The following OPN5 variants were observed in gnomAD, a reference collection of about 807,000 sequenced individuals.
OPN5 encodes opsin-5.
In OPN5, 18 loss-of-function variants were observed where a neutral mutation model predicts 41.7. The ratio of observed to expected loss-of-function variants is 0.43; its 90% CI spans 0.30 to 0.64. The LOEUF is 0.64. Ranked by LOEUF, OPN5 falls within the 30% of genes least tolerant of loss-of-function variation. OPN5 has a pLI of 0.13. For missense variants in OPN5, 318 were observed against 434.5 expected (o/e 0.73, Z 2.38); for synonymous variants, 178 against 164.3 (o/e 1.08, Z -0.64).
chr6:47,793,385 T>G (rs1008440667), intron 3 of OPN5, among the ~76,000 whole-genome samples: 1 of 152,190 alleles, frequency 6.6e-6, no homozygotes, highest in African/African-American at 2.4e-5. Flanking sequence ...TGAACCTCAG[T>G]AGTGTGGTTT....
intron 3 of OPN5, among the ~76,000 whole-genome samples, chr6:47,792,332 G>T (rs1773399744): frequency 6.6e-6 from 1 of 152,186 alleles, no homozygotes; most frequent in African/African-American, 2.4e-5. Context: ...CCCCACCTAG[G>T]AAGTGTAATT....
chr6:47,822,957 C>T (rs578090377), intron 6 of OPN5, among the ~76,000 whole-genome samples: 1 of 152,284 alleles, frequency 6.6e-6, no homozygotes, highest in South Asian at 2.1e-4. Context: ...AAAGGACACA[C>T]CTCTGAGGAT....
intron 2 of OPN5, among the ~76,000 whole-genome samples, chr6:47,787,518 T>C (rs1459470385): frequency 6.6e-6 from 1 of 152,206 alleles, no homozygotes; most frequent in South Asian, 2.1e-4. Flanking sequence ...TTTAGGTCAT[T>C]AGAGTAGGGT....
At chr6:47,817,597 T>G (rs904458534) in intron 6 of OPN5, among the ~76,000 whole-genome samples, 1 of 152,112 alleles carries the variant, frequency 6.6e-6, no homozygotes, top group Non-Finnish European at 1.5e-5. Flanking sequence ...TTGAGCCCCA[T>G]GCCTGACCTA....
intron 2 of OPN5, among the ~76,000 whole-genome samples, chr6:47,790,867 A>C (rs1773348358): frequency 6.6e-6 from 1 of 151,970 alleles, no homozygotes; most frequent in South Asian, 2.1e-4. Flanking sequence ...TAGACACTTA[A>C]CTCCTAAAGT....
intron 4 of OPN5, among the ~76,000 whole-genome samples, chr6:47,799,440 G>T (rs1466874086): frequency 6.6e-6 from 1 of 152,076 alleles, no homozygotes; most frequent in Non-Finnish European, 1.5e-5. Flanking sequence ...AGTGCTAATG[G>T]GTTGGGGACT....
chr6:47,807,619 G>A (rs1467536876), intron 4 of OPN5, among the ~76,000 whole-genome samples: 2 of 152,072 alleles, frequency 1.3e-5, no homozygotes, highest in Non-Finnish European at 2.9e-5. Flanking sequence ...TTTACATTAT[G>A]TACCTAGTGA....
chr6:47,793,179 T>C (rs1773440361), intron 3 of OPN5, among the ~76,000 whole-genome samples: 1 of 152,166 alleles, frequency 6.6e-6, no homozygotes, highest in Admixed American at 6.5e-5. Context: ...CTATAGATTT[T>C]ATAGATAAGA....
At chr6:47,785,344 A>G (rs1773168491) in intron 1 of OPN5, among the ~76,000 whole-genome samples, 1 of 152,128 alleles carries the variant, frequency 6.6e-6, no homozygotes, top group Non-Finnish European at 1.5e-5. Context: ...ATGAAAGCTA[A>G]AGAGGTTTTA....
At chr6:47,785,919 G>A (rs1383464400) in intron 1 of OPN5, among the ~76,000 whole-genome samples, 2 of 152,148 alleles carry the variant, frequency 1.3e-5, no homozygotes, top group Non-Finnish European at 2.9e-5. Context: ...AGCAGCTGAA[G>A]GCTGTCCTAT....
exon 5 of OPN5, chr6:47,808,159 G>A (rs1300707694): frequency 3.7e-6 from 6 of 1,613,744 alleles, no homozygotes; most frequent in Admixed American, 1.7e-5. Context: ...ATCAGGTAGC[G>A]ATGTTGATTT....
chr6:47,823,862 C>T (rs891887024), intron 6 of OPN5, 121 bp from the exon 7 acceptor site: 4 of 759,354 alleles, frequency 5.3e-6, no homozygotes, highest in African/African-American at 3.5e-5. Flanking sequence ...CAATGTCCAT[C>T]GCAATCCTGG....
At chr6:47,784,980 A>T (rs1773161611) in intron 1 of OPN5, among the ~76,000 whole-genome samples, 1 of 152,202 alleles carries the variant, frequency 6.6e-6, no homozygotes, top group Non-Finnish European at 1.5e-5. Context: ...AATAATTTAC[A>T]TGCAATGAAT....
exon 2 of OPN5, chr6:47,786,545 T>C (rs1561888730): frequency 6.2e-7 from 1 of 1,610,156 alleles, no homozygotes; most frequent in Non-Finnish European, 8.5e-7. Context: ...AATGGATATG[T>C]CCTTTACATG....
At chr6:47,816,296 T>C (rs1284157935) in intron 6 of OPN5, among the ~76,000 whole-genome samples, 4 of 152,154 alleles carry the variant, frequency 2.6e-5, no homozygotes, top group Admixed American at 2.0e-4. Flanking sequence ...ATTGTAATAG[T>C]TTTTAGATGA....
intron 2 of OPN5, among the ~76,000 whole-genome samples, chr6:47,789,406 G>GT (rs35576844): frequency 0.019 from 2,760 of 141,944 alleles, 35 homozygotes; most frequent in African/African-American, 0.03. Context: ...AAATTTAGGT[G>GT]TTTTTTTTTT....
intron 4 of OPN5, among the ~76,000 whole-genome samples, chr6:47,798,429 A>T (rs929351220): frequency 6.6e-6 from 1 of 151,838 alleles, no homozygotes; most frequent in African/African-American, 2.4e-5. Context: ...ATTCCGCTTG[A>T]CTTGGACTGG....
intron 3 of OPN5, 99 bp downstream of exon 3, chr6:47,792,071 A>C: frequency 1.3e-6 from 1 of 781,406 alleles, no homozygotes; most frequent in Non-Finnish European, 2.1e-6. Flanking sequence ...AAGATTATGA[A>C]TAACCTCAGA....
chr6:47,803,976 G>A (rs531132141), intron 4 of OPN5, among the ~76,000 whole-genome samples: 2 of 152,304 alleles, frequency 1.3e-5, no homozygotes, highest in Non-Finnish European at 2.9e-5. Context: ...TGCTTCAGAT[G>A]TATTAGACCC....
Sources: allele counts gnomAD v4.1 joint callset (sites outside exome capture counted in the v4.1 genomes callset), GRCh38; gene constraint gnomAD v4.1.1; transcripts MANE v1.5; gene names NCBI Gene and HGNC (gene_info 2026-07-23, HGNC 2026-07-21).